JPH2: variants seen among roughly 807,000 people sequenced by gnomAD.
JPH2 encodes the protein junctophilin-2.
In JPH2, 38 loss-of-function variants were observed where a neutral mutation model predicts 55.9. The ratio of observed to expected loss-of-function variants is 0.68; its 90% CI spans 0.52 to 0.89. The LOEUF (loss-of-function observed/expected upper bound fraction) is 0.89. Ranked by LOEUF, JPH2 falls within the 40% of genes least tolerant of loss-of-function variation. The pLI, the probability that JPH2 is intolerant of heterozygous loss-of-function variation, is 0.00. For synonymous variants in JPH2, 480 were observed against 472.4 expected, an observed-to-expected ratio of 1.02 and a Z score of -0.21; for missense variants, 964 against 1,037.6, an observed-to-expected ratio of 0.93 and a Z score of 0.97.
Position 44,110,248 on chromosome 20 carries a change from C to T in JPH2, c.*3270G>A, listed in dbSNP as rs939919363. Reference sequence around the variant, plus strand: ...CATACACACACACACACAGACACACCCCATCTGCAGACCGGCCAACTGGGC... The same window carrying T: ...CATACACACACACACACAGACACACTCCATCTGCAGACCGGCCAACTGGGC... On this transcript the variant is annotated 3_prime_UTR_variant, in exon 6 of 6. Transcript: ENST00000372980. 3.7e-4 allele frequency among the ~76,000 whole-genome samples: 56 copies of T among 151,752 alleles called. No individual in the cohort carries two copies. Among genetic ancestry groups the T allele is most frequent in the African/African-American group, 1.3e-3 (52 of 41,140 alleles).
At position 44,116,339 on chromosome 20, in the gene JPH2, A is replaced by G; in HGVS notation, c.1336T>C (p.Ser446Pro). ...TCGGGGGGCTCCAGCAGGCTCTCCG[A>G]GTTCTCCAGGATCTCCTGCAGCAGC... The part of the protein sequence containing the change: ...RRLLQEILEN[S>P]ESLLEPPDRG... The change falls in exon 4 of 6, where the codon TCG (serine) becomes CCG (proline). Residue 446 changes from serine to proline, a missense_variant. Physicochemically the swap from Ser to Pro is moderately conservative, Grantham distance 74. Transcript: ENST00000372980. The G allele has an allele frequency of 6.5e-7, 1 of 1,546,516 alleles. No homozygotes were observed. The highest frequency in any genetic ancestry group is 8.7e-7 in the Non-Finnish European group (1 of 1,146,458).
chr20:44,150,974 G>C (rs564521045), intron 2 of JPH2, among the ~76,000 whole-genome samples: 1 of 152,152 alleles, frequency 6.6e-6, no homozygotes, highest in Admixed American at 6.5e-5. Flanking sequence ...AGGCTGCAGT[G>C]AGCTGACATG....
intron 2 of JPH2, among the ~76,000 whole-genome samples, chr20:44,125,308 G>A (rs1179879582): frequency 6.7e-6 from 1 of 149,980 alleles, no homozygotes; most frequent in Non-Finnish European, 1.5e-5. Context: ...AAAGTCTGCC[G>A]ACCCCTGTAC....
chr20:44,122,721 TGAC>T (rs2145843587), intron 2 of JPH2, among the ~76,000 whole-genome samples: 1 of 152,278 alleles, frequency 6.6e-6, no homozygotes, highest in Non-Finnish European at 1.5e-5. Flanking sequence ...GTCTTGATGA[TGAC>T]GATGATGGGG....
intron 2 of JPH2, among the ~76,000 whole-genome samples, chr20:44,156,567 G>T (rs1305120513): frequency 2.0e-5 from 3 of 152,146 alleles, no homozygotes; most frequent in Non-Finnish European, 2.9e-5. Flanking sequence ...TGAGGCCATT[G>T]TCTTCCTCCA....
intron 2 of JPH2, among the ~76,000 whole-genome samples, chr20:44,139,319 C>T (rs560056161): frequency 6.6e-6 from 1 of 152,248 alleles, no homozygotes; most frequent in South Asian, 2.1e-4. Context: ...AGCCTTTGAT[C>T]CAGCAACTGC....
intron 1 of JPH2, among the ~76,000 whole-genome samples, chr20:44,182,675 G>A (rs1411930789): frequency 6.6e-6 from 1 of 152,200 alleles, no homozygotes; most frequent in Non-Finnish European, 1.5e-5. Flanking sequence ...CTCCTTCTGA[G>A]ACGACTCCAT....
intron 2 of JPH2, among the ~76,000 whole-genome samples, chr20:44,126,753 G>A (rs7270523): frequency 0.14 from 21,511 of 152,236 alleles, 1,712 homozygotes; most frequent in Admixed American, 0.26. Flanking sequence ...GCCCAGAACT[G>A]GGTGCTAGAG....
intron 1 of JPH2, among the ~76,000 whole-genome samples, chr20:44,174,413 A>C (rs1375490525): frequency 6.6e-6 from 1 of 152,162 alleles, no homozygotes; most frequent in Non-Finnish European, 1.5e-5. Flanking sequence ...CCCTTTTTGC[A>C]TCCTGAGGGC....
rs533384335 is a variant in JPH2, at chr20:44,176,097, C to T, written c.379+10230G>A. 1.5e-3 allele frequency among the ~76,000 whole-genome samples: 232 copies of T among 152,274 alleles called. 1 individual carries two copies. Among genetic ancestry groups the T allele is most frequent in the Non-Finnish European group, 2.6e-3 (178 of 68,020 alleles). On this transcript the variant is annotated intron_variant, in intron 1 of 5. Transcript: ENST00000372980. The stretch of plus-strand genomic sequence containing the variant: ...TCTTTAACTCCTCTTTCTCTCAATC[C>T]TATCCAGTCTATAAGTTTTGCTTCA...
In JPH2 at chr20:44,109,279, G is replaced by C. The variant is rs922251120; in HGVS notation, c.*4239C>G. On this transcript the variant is annotated 3_prime_UTR_variant, in exon 6 of 6. Coordinates refer to ENST00000372980, the MANE Select transcript of JPH2 (RefSeq NM_020433.5). ...GGTGGACGAATACCTACACCATGGAGATACTGCGAAGAATGGAAAATAGCA... is the reference window on the plus strand; with the variant it reads ...GGTGGACGAATACCTACACCATGGACATACTGCGAAGAATGGAAAATAGCA... Among the ~76,000 whole-genome samples, 3 of 152,210 alleles carry C rather than the reference G, an allele frequency of 2.0e-5. No homozygotes were observed. The highest frequency in any genetic ancestry group is 2.0e-4 in the Admixed American group (3 of 15,280).
At position 44,110,429 on chromosome 20, in the gene JPH2, T is replaced by G. The variant is rs1448528263; in HGVS notation, c.*3089A>C. Among the ~76,000 whole-genome samples, 1 of 33,636 alleles carries G rather than the reference T, an allele frequency of 3.0e-5. No homozygotes were observed. Among genetic ancestry groups the G allele is most frequent in the Non-Finnish European group, 5.2e-5 (1 of 19,372 alleles). 22.1% of individuals were successfully genotyped at this position (33,636 alleles called of 152,430 possible). On this transcript the variant is annotated 3_prime_UTR_variant, in exon 6 of 6. Transcript: ENST00000372980. Reference sequence around the variant, plus strand: ...TTCCAGAGTTTTGAAAACTTTTGTGTTTTTTTTTTTTTCCAGATGGAGTCT... The same window carrying G: ...TTCCAGAGTTTTGAAAACTTTTGTGGTTTTTTTTTTTTCCAGATGGAGTCT...
intron 1 of JPH2, among the ~76,000 whole-genome samples, chr20:44,170,133 T>G (rs149501289): frequency 3.3e-5 from 5 of 152,066 alleles, no homozygotes; most frequent in Middle Eastern, 6.8e-3. Context: ...TTTCTAGGAG[T>G]CCCCATTGCC....
At chr20:44,114,728 A>C (rs1048269919) in intron 5 of JPH2, 54 bp downstream of exon 5, 11 of 1,375,524 alleles carry the variant, frequency 8.0e-6, no homozygotes, top group South Asian at 1.2e-5. Flanking sequence ...CTGGTGCTCA[A>C]AACTCCCCAG....
intron 1 of JPH2, among the ~76,000 whole-genome samples, chr20:44,163,480 C>T (rs2072630487): frequency 6.6e-6 from 1 of 152,178 alleles, no homozygotes; most frequent in South Asian, 2.1e-4. Flanking sequence ...CCCACTTCTA[C>T]CCCATCCTAC....
At chr20:44,123,702 A>G (rs1032893234) in intron 2 of JPH2, among the ~76,000 whole-genome samples, 2 of 152,198 alleles carry the variant, frequency 1.3e-5, no homozygotes, top group African/African-American at 2.4e-5. Context: ...ATCACCCGGA[A>G]GCTCAGATAT....
In JPH2 at chr20:44,113,195, G is replaced by A. The variant is rs62205900; in HGVS notation, c.*323C>T. ...AAAGCCCAGGGAGGGGACAACCTAG[G>A]GAAAGGCAAGGGAGTGGAGGAGAGC... On this transcript the variant is annotated 3_prime_UTR_variant, in exon 6 of 6. Transcript: ENST00000372980. 5,412 of 152,640 alleles carry A rather than the reference G, an allele frequency of 0.035. 131 individuals carry two copies. Among genetic ancestry groups the A allele is most frequent in the Non-Finnish European group, 0.052 (3,520 of 68,246 alleles). 9.5% of individuals were successfully genotyped at this position (152,640 alleles called of 1,614,324 possible).
At chr20:44,178,045 C>T (rs1162010970) in intron 1 of JPH2, 2 of 792,464 alleles carry the variant, frequency 2.5e-6, no homozygotes, top group East Asian at 2.4e-5. Flanking sequence ...TAAGAACCGG[C>T]ACAGCTGGGA....
At chr20:44,118,709 C>G in intron 2 of JPH2, 86 bp from the exon 3 acceptor site, 1 of 1,032,788 alleles carries the variant, frequency 9.7e-7, no homozygotes, top group Admixed American at 1.7e-5. Context: ...AAGAGACATG[C>G]TAAACACAGC....
Sources: allele counts gnomAD v4.1 joint callset (sites outside exome capture counted in the v4.1 genomes callset), GRCh38; gene constraint gnomAD v4.1.1; transcripts MANE v1.5; gene names NCBI Gene and HGNC (gene_info 2026-07-23, HGNC 2026-07-21).